The following TMEM184B variants were observed in gnomAD, a reference collection of about 807,000 sequenced individuals.
TMEM184B encodes putative MAPK-activating protein FM08.
In TMEM184B, 17 loss-of-function variants were observed where a neutral mutation model predicts 41.8. That is an observed-to-expected ratio of 0.41 (90% CI 0.28 to 0.61). The LOEUF is 0.61. Ranked by LOEUF, TMEM184B falls within the 20% of genes least tolerant of loss-of-function variation. TMEM184B has a pLI of 0.34. For synonymous variants in TMEM184B, 240 were observed against 229.5 expected (o/e 1.05, Z -0.41); for missense variants, 393 against 557.8 (o/e 0.70, Z 2.98).
intron 1 of TMEM184B, among the ~76,000 whole-genome samples, chr22:38,269,683 C>T (rs752632107): frequency 2.0e-5 from 3 of 152,084 alleles, no homozygotes; most frequent in East Asian, 1.9e-4. Flanking sequence ...GGCAACAGAG[C>T]GAGACTCCAT....
intron 2 of TMEM184B, chr22:38,246,505 A>C: frequency 3.7e-6 from 1 of 268,706 alleles, no homozygotes; most frequent in East Asian, 9.0e-5. Flanking sequence ...TCCGGCTGTG[A>C]CTGTGGCAGC....
At chr22:38,271,091 T>A (rs1399326752) in intron 1 of TMEM184B, among the ~76,000 whole-genome samples, 1 of 152,094 alleles carries the variant, frequency 6.6e-6, no homozygotes, top group Non-Finnish European at 1.5e-5. Context: ...ACATCCAGAA[T>A]CCCAACGACT....
Position 38,226,948 on chromosome 22 carries a change from A to T in TMEM184B, c.526-78T>A. The T allele has an allele frequency of 7.1e-7, 1 of 1,416,754 alleles. No homozygotes were observed. The highest frequency in any genetic ancestry group is 1.2e-5 in the South Asian group (1 of 80,938). 87.8% of individuals were successfully genotyped at this position (1,416,754 alleles called of 1,614,324 possible). A position where few individuals can be genotyped will look rare whatever the true frequency, so the allele number is the denominator to read the frequency against. ...AGCAAGCCCTGCCTCTGGCAGACGG[A>T]ACTGTACCGGATGGAGGGACAGAGA... On this transcript the variant is annotated intron_variant, in intron 5 of 8. Transcript: ENST00000361906. The surrounding 1 kb of genome is among the most constrained non-coding windows in gnomAD (Gnocchi z 4.6).
At chr22:38,235,956 A>T (rs2091763339) in intron 3 of TMEM184B, among the ~76,000 whole-genome samples, 1 of 152,134 alleles carries the variant, frequency 6.6e-6, no homozygotes, top group Admixed American at 6.5e-5. Context: ...GAGACACACA[A>T]TGACTCTACA....
In TMEM184B at chr22:38,219,365, T is replaced by C; in HGVS notation, c.*2104A>G. 1 of 985,842 alleles carries C rather than the reference T, an allele frequency of 1.0e-6. No homozygotes were observed. Among genetic ancestry groups the C allele is most frequent in the Non-Finnish European group, 1.2e-6 (1 of 829,942 alleles). 61.1% of individuals were successfully genotyped at this position (985,842 alleles called of 1,614,324 possible). On this transcript the variant is annotated 3_prime_UTR_variant, in exon 9 of 9. Coordinates refer to ENST00000361906, the MANE Select transcript of TMEM184B (RefSeq NM_012264.5). The stretch of plus-strand genomic sequence containing the variant: ...TTTATTTGCTCACTTCTGTCACGCA[T>C]TTAAAATGTCACAGAGACCAAAATA...
intron 1 of TMEM184B, among the ~76,000 whole-genome samples, chr22:38,252,063 T>A (rs1156847168): frequency 8.1e-6 from 1 of 123,170 alleles, no homozygotes; most frequent in Non-Finnish European, 1.5e-5. Context: ...GTCCAACAAA[T>A]TTTTTTTTTT....
chr22:38,267,456 A>G (rs545252428), intron 1 of TMEM184B, among the ~76,000 whole-genome samples: 24 of 141,122 alleles, frequency 1.7e-4, no homozygotes, highest in African/African-American at 6.2e-4. Context: ...TTTTTTTGAG[A>G]TGGAGTTTCG....
At chr22:38,252,843 A>G in intron 1 of TMEM184B, among the ~76,000 whole-genome samples, 1 of 152,230 alleles carries the variant, frequency 6.6e-6, no homozygotes, top group East Asian at 1.9e-4. Context: ...TAGAAGTCCC[A>G]TTAATAAATG....
chr22:38,259,594 T>C (rs529592508), intron 1 of TMEM184B, among the ~76,000 whole-genome samples: 60 of 152,216 alleles, frequency 3.9e-4, no homozygotes, highest in African/African-American at 1.2e-3. Context: ...AGGTGGTCTC[T>C]AGGAGCTGGA....
chr22:38,233,419 G>A (rs947229048), intron 3 of TMEM184B, among the ~76,000 whole-genome samples: 1 of 152,232 alleles, frequency 6.6e-6, no homozygotes, highest in Admixed American at 6.5e-5. Flanking sequence ...TCAGAAGTGT[G>A]TCCGGGGCTC....
chr22:38,261,111 C>T (rs1460638881), intron 1 of TMEM184B, among the ~76,000 whole-genome samples: 1 of 152,186 alleles, frequency 6.6e-6, no homozygotes, highest in South Asian at 2.1e-4. Flanking sequence ...GGAATGACAA[C>T]GGGAATGACA....
Position 38,231,470 on chromosome 22 carries a change from T to G in TMEM184B, c.359-136A>C, listed in dbSNP as rs73427618. 1.0e-5 allele frequency: 8 copies of G among 794,336 alleles called. No homozygotes were observed. In the Admixed American group the frequency reaches 1.1e-4, roughly 11 times the overall value. 49.2% of individuals were successfully genotyped at this position (794,336 alleles called of 1,614,324 possible). On this transcript the variant is annotated intron_variant, in intron 3 of 8. Coordinates refer to ENST00000361906, the MANE Select transcript of TMEM184B (RefSeq NM_012264.5). ...AGGGAGGAGGCTGGGGGACATAAGG[T>G]TGTGCAAAAGGAGCCCGTCAAGAAC...
intron 1 of TMEM184B, among the ~76,000 whole-genome samples, chr22:38,253,952 G>A (rs1424417347): frequency 6.6e-6 from 1 of 152,158 alleles, no homozygotes; most frequent in Non-Finnish European, 1.5e-5. Flanking sequence ...TGTAATCCCA[G>A]CACTTTGGGA....
At chr22:38,222,109 G>A (rs975393798) in intron 8 of TMEM184B, 10 of 219,748 alleles carry the variant, frequency 4.6e-5, no homozygotes, top group Admixed American at 1.0e-4. Flanking sequence ...AGGGGTGCCC[G>A]GTTCCACAGG....
intron 3 of TMEM184B, among the ~76,000 whole-genome samples, chr22:38,243,705 G>C (rs528751983): frequency 6.6e-6 from 1 of 152,298 alleles, no homozygotes; most frequent in South Asian, 2.1e-4. Context: ...GCCAGCCTGC[G>C]AGGAGGGAGC....
chr22:38,241,907 A>AAAAAAAAAAAAAAAAAC (rs2091918029), intron 3 of TMEM184B, among the ~76,000 whole-genome samples: 1 of 149,264 alleles, frequency 6.7e-6, no homozygotes, highest in Admixed American at 6.7e-5. Context: ...AAAAAAAAAA[A>AAAAAAAAAAAAAAAAAC]GAACGAGACC....
chr22:38,260,765 T>C (rs762846517), intron 1 of TMEM184B, among the ~76,000 whole-genome samples: 2 of 152,216 alleles, frequency 1.3e-5, no homozygotes, highest in Non-Finnish European at 2.9e-5. Context: ...TGGGATTTCA[T>C]GCTCCCAACA....
chr22:38,231,706 C>T, intron 3 of TMEM184B: 1 of 402,498 alleles, frequency 2.5e-6, no homozygotes, highest in Non-Finnish European at 4.7e-6. Context: ...AACAGTATTG[C>T]CTTTATTAGT....
intron 2 of TMEM184B, 29 bp from the exon 3 acceptor site, chr22:38,246,129 G>C: frequency 6.2e-7 from 1 of 1,600,796 alleles, no homozygotes; most frequent in Non-Finnish European, 8.5e-7. Context: ...GGTCAGCTGG[G>C]GACCCTCCTG....
Sources: gnomAD v4.1 joint callset for allele counts (sites outside exome capture counted in the v4.1 genomes callset) on GRCh38, gnomAD v4.1.1 for gene constraint, Gnocchi (gnomAD v3.1) non-coding constraint, MANE v1.5 for transcripts, NCBI Gene and HGNC (gene_info 2026-07-23, HGNC 2026-07-21) for gene names.